The following SACS variants were observed in gnomAD, a reference collection of about 807,000 sequenced individuals.
The protein encoded by SACS is sacsin molecular chaperone, also known as sacsin.
Under a neutral mutation model 348.0 loss-of-function variants are expected in SACS, and 197 were observed. The observed-to-expected ratio is 0.57, with a 90% CI of 0.50 to 0.64. SACS has a LOEUF of 0.64. SACS is among the 30% of genes least tolerant of loss of function. The probability of loss-of-function intolerance (pLI) is 0.00; values close to 1 mark genes in which losing one functional copy is unlikely to be tolerated. For synonymous variants in SACS, 1,985 were observed against 1,910.6 expected, an observed-to-expected ratio of 1.04 and a Z score of -1.02; for missense variants, 4,999 against 5,360.8, an observed-to-expected ratio of 0.93 and a Z score of 2.11.
intron 2 of SACS, among the ~76,000 whole-genome samples, chr13:23,404,689 A>C (rs1294662053): frequency 2.0e-5 from 3 of 152,232 alleles, no homozygotes; most frequent in East Asian, 3.8e-4. Flanking sequence ...ATCTCAGCCC[A>C]AAATCTCCTT....
At position 23,329,815 on chromosome 13, in the gene SACS, A is replaced by C. The variant is rs1883350946; in HGVS notation, c.*321T>G. 2.1e-6 allele frequency: 1 copy of C among 474,570 alleles called. No individual in the cohort carries two copies. Among genetic ancestry groups the C allele is most frequent in the African/African-American group, 2.0e-5 (1 of 51,018 alleles). 29.4% of individuals were successfully genotyped at this position (474,570 alleles called of 1,614,324 possible). A position where few individuals can be genotyped will look rare whatever the true frequency, so the allele number is the denominator to read the frequency against. On this transcript the variant is annotated 3_prime_UTR_variant, in exon 10 of 10. Transcript: ENST00000382292. The stretch of plus-strand genomic sequence containing the variant: ...AAAACATAAAATTAACTTCATCCTA[A>C]CCAGAGACATACATAGACTCTTATC...
At position 23,355,307 on chromosome 13, in the gene SACS, T is replaced by C; in HGVS notation, c.1305A>G (p.Gly435=). 6.2e-7 allele frequency: 1 copy of C among 1,614,118 alleles called. No homozygotes were observed. Among genetic ancestry groups the C allele is most frequent in the Non-Finnish European group, 8.5e-7 (1 of 1,180,042 alleles). The change falls in exon 8 of 10, where the codon GGA becomes GGG. Residue 435 remains glycine (G), a synonymous_variant. Transcript: ENST00000382292. ...PLSSRDDEAK[G]ATSDFSGKAF... Reference sequence around the variant, plus strand: ...CTTTTCCTGAGAAATCAGACGTTGCTCCTTTTGCTTCATCATCTCTGCTTG... The same window carrying C: ...CTTTTCCTGAGAAATCAGACGTTGCCCCTTTTGCTTCATCATCTCTGCTTG...
chr13:23,346,033 C>T (rs1192977869), intron 9 of SACS, among the ~76,000 whole-genome samples: 2 of 149,992 alleles, frequency 1.3e-5, no homozygotes, highest in East Asian at 1.9e-4. Context: ...GGGTCCCTGC[C>T]GTCACCAACC....
rs1398648665 is a variant in SACS at position 23,338,277 on chromosome 13, T to C, written c.5599A>G (p.Ile1867Val). The C allele has an allele frequency of 6.2e-7, 1 of 1,614,030 alleles. No homozygotes were observed. Among genetic ancestry groups the C allele is most frequent in the East Asian group, 2.2e-5 (1 of 44,898 alleles). ...QDQKWTVKPHIGEVFCYLPLR... is the reference protein window; with the variant it reads ...QDQKWTVKPHVGEVFCYLPLR... ...GGTAAATAGCAAAACACCTCTCCAA[T>C]GTGTGGTTTCACTGTCCACTTCTGG... The change falls in exon 10 of 10, where the codon ATT becomes GTT. Residue 1867 changes from isoleucine (I) to valine (V), a missense_variant. By Grantham distance (29) the Ile-to-Val change is conservative (BLOSUM62 3). Around this residue, in one of 6 missense-constraint regions of SACS, gnomAD observed 3,156 missense variants for 3,380.1 expected, o/e 0.93. Coordinates refer to ENST00000382292, the MANE Select transcript of SACS (RefSeq NM_014363.6).
At chr13:23,433,173 C>A (rs982306293) in intron 1 of SACS, among the ~76,000 whole-genome samples, 12 of 152,086 alleles carry the variant, frequency 7.9e-5, no homozygotes, top group Non-Finnish European at 1.5e-4. Context: ...TTGAGAATCC[C>A]ATCTTATTGT....
At chr13:23,341,777 GTTCT>G in intron 9 of SACS, 87 bp from the exon 10 acceptor site, 15 of 616,850 alleles carry the variant, frequency 2.4e-5, no homozygotes, top group African/African-American at 4.6e-5. Context: ...GTACTGGAAG[GTTCT>G]TTTTTTTTTT....
chr13:23,366,323 C>T (rs191092354), intron 5 of SACS, among the ~76,000 whole-genome samples: 1 of 152,278 alleles, frequency 6.6e-6, no homozygotes, highest in East Asian at 1.9e-4. Flanking sequence ...CCCAGTGCAT[C>T]CCAAAGGGCT....
intron 4 of SACS, among the ~76,000 whole-genome samples, chr13:23,370,483 C>T (rs1259691418): frequency 6.6e-6 from 1 of 151,774 alleles, no homozygotes; most frequent in Admixed American, 6.6e-5. Context: ...TCAGATCTAC[C>T]CTACCCACTT....
rs529284313 is a variant in SACS, at chr13:23,329,233, C to A, written c.*903G>T. ...AAAGTTAAAAAAACTCCACTACATG[C>A]CATATTGAAAGAAAAGGTTGTTTTT... On this transcript the variant is annotated 3_prime_UTR_variant, in exon 10 of 10. Coordinates refer to ENST00000382292, the MANE Select transcript of SACS (RefSeq NM_014363.6). The A allele has an allele frequency of 8.1e-6, 4 of 493,218 alleles. No individual in the cohort carries two copies. Among genetic ancestry groups the A allele is most frequent in the Non-Finnish European group, 1.1e-5 (3 of 282,802 alleles). 30.6% of individuals were successfully genotyped at this position (493,218 alleles called of 1,614,324 possible).
chr13:23,410,035 T>C lies in SACS; in HGVS notation c.20+1185A>G, dbSNP rs17078716. 7.4e-3 allele frequency among the ~76,000 whole-genome samples: 1,127 copies of C among 152,106 alleles called. 10 individuals are homozygous for C. The highest frequency in any genetic ancestry group is 0.026 in the African/African-American group (1,069 of 41,476). ...AGTCAGCTGGAAAGTTAAAGGAAAA[T>C]GGGTTCACCTTTGATTTGAAAAAAA... On this transcript the variant is annotated intron_variant, in intron 2 of 9. Coordinates refer to ENST00000382292, the MANE Select transcript of SACS (RefSeq NM_014363.6).
intron 2 of SACS, among the ~76,000 whole-genome samples, chr13:23,381,787 G>A (rs951785377): frequency 2.0e-5 from 3 of 152,016 alleles, no homozygotes; most frequent in African/African-American, 7.2e-5. Flanking sequence ...ATAAAAACAA[G>A]TTTTTAAATC....
At chr13:23,418,265 A>G (rs1051027131) in intron 1 of SACS, among the ~76,000 whole-genome samples, 11 of 152,294 alleles carry the variant, frequency 7.2e-5, no homozygotes, top group Non-Finnish European at 1.5e-4. Context: ...ATTTATATTT[A>G]TCTTTCATAT....
chr13:23,423,739 T>A (rs1874049676), intron 1 of SACS, among the ~76,000 whole-genome samples: 1 of 149,880 alleles, frequency 6.7e-6, no homozygotes, highest in African/African-American at 2.4e-5. Context: ...CTATTAGGCC[T>A]ATATATAAAC....
At chr13:23,400,961 T>G (rs1872950650) in intron 2 of SACS, among the ~76,000 whole-genome samples, 1 of 142,000 alleles carries the variant, frequency 7.0e-6, no homozygotes, top group South Asian at 2.4e-4. Flanking sequence ...TTTATTCGAT[T>G]TGTTGAACTG....
intron 9 of SACS, among the ~76,000 whole-genome samples, chr13:23,343,920 T>TTC (rs1415912012): frequency 4.5e-4 from 69 of 152,210 alleles, no homozygotes; most frequent in East Asian, 3.9e-4. Flanking sequence ...GGGCACACTT[T>TTC]TGCAACTTTA....
rs143310473 is a variant in SACS, at chr13:23,339,133, G to A, written c.4743C>T (p.Phe1581=). The change falls in exon 10 of 10, where the codon TTC becomes TTT. Residue 1581 remains phenylalanine (F), a synonymous_variant. Coordinates refer to ENST00000382292, the MANE Select transcript of SACS (RefSeq NM_014363.6). ...TACTGATATGATTTATGTTTGGATC[G>A]AACATTATCATGAATTCCCGACTCA... ...IIMSREFMIM[F]DPNINHISKH... 38 of 1,610,704 alleles carry A rather than the reference G, an allele frequency of 2.4e-5. No homozygotes were observed. The East Asian group carries it at 5.1e-4, about 22-fold the overall frequency.
chr13:23,365,117 T>C (rs1399920632), intron 6 of SACS, 49 bp downstream of exon 6: 1 of 1,160,600 alleles, frequency 8.6e-7, no homozygotes, highest in Non-Finnish European at 1.3e-6. Flanking sequence ...CATTAAAAAC[T>C]GCCTGTTAGT....
rs557648891 is a variant in SACS, at chr13:23,336,860, T to C, written c.7016A>G (p.Asp2339Gly). The change falls in exon 10 of 10, where the codon GAT becomes GGT. Residue 2339 changes from aspartate to glycine, a missense_variant. Asp to Gly is a moderately conservative substitution (Grantham distance 94). This residue lies in a region of SACS where 3,156 missense variants were observed against 3,380.1 expected (regional missense o/e 0.93). Transcript: ENST00000382292. Reference protein sequence around the residue: ...QNEITKMSIIDKLKPFSFILV... With the variant: ...QNEITKMSIIGKLKPFSFILV... Reference sequence around the variant, plus strand: ...AATGAAGCTAAAGGGTTTTAACTTATCAATAATTGACATCTTAGTGATTTC... The same window carrying C: ...AATGAAGCTAAAGGGTTTTAACTTACCAATAATTGACATCTTAGTGATTTC... 15 of 1,613,546 alleles carry C rather than the reference T, an allele frequency of 9.3e-6. No individual in the cohort carries two copies. Among genetic ancestry groups the C allele is most frequent in the African/African-American group, 6.7e-5 (5 of 74,970 alleles).
chr13:23,376,090 T>G (rs1438164538), intron 2 of SACS, among the ~76,000 whole-genome samples: 1 of 152,050 alleles, frequency 6.6e-6, no homozygotes, highest in Non-Finnish European at 1.5e-5. Context: ...CTCAGTTTGC[T>G]GGAGGAAAGA....
Sources: allele counts gnomAD v4.1 joint callset (sites outside exome capture counted in the v4.1 genomes callset), GRCh38; gene constraint gnomAD v4.1.1; regional missense constraint gnomAD v4.1.1; transcripts MANE v1.5; gene names NCBI Gene and HGNC (gene_info 2026-07-23, HGNC 2026-07-21).